The following KCNH1 variants were observed in gnomAD, a reference collection of about 807,000 sequenced individuals.
KCNH1 encodes voltage-gated delayed rectifier potassium channel KCNH1.
In KCNH1, 27 loss-of-function variants were observed where a neutral mutation model predicts 69.2. The ratio of observed to expected loss-of-function variants is 0.39; its 90% confidence interval spans 0.29 to 0.54. The LOEUF is 0.54. Ranked by LOEUF, KCNH1 falls within the 20% of genes least tolerant of loss-of-function variation. The pLI is 0.68. For missense variants in KCNH1, 798 were observed against 1,261.6 expected (o/e 0.63, Z 5.57); for synonymous variants, 456 against 487.7 (o/e 0.93, Z 0.86).
At chr1:210,945,308 T>C (rs1021687479) in intron 6 of KCNH1, among the ~76,000 whole-genome samples, 8 of 152,262 alleles carry the variant, frequency 5.3e-5, no homozygotes, top group Admixed American at 3.3e-4. Flanking sequence ...ATGTATACTA[T>C]GTGCCAGGCA....
intron 10 of KCNH1, among the ~76,000 whole-genome samples, chr1:210,732,555 C>T (rs1682770485): frequency 6.6e-6 from 1 of 152,136 alleles, no homozygotes; most frequent in Non-Finnish European, 1.5e-5. Context: ...TAGGACAGAA[C>T]CTCATTTGAT....
In KCNH1 at chr1:211,134,011, C is replaced by T; in HGVS notation, c.-66G>A. 7.0e-7 allele frequency: 1 copy of T among 1,428,032 alleles called. No homozygotes were observed. The highest frequency in any genetic ancestry group is 9.8e-7 in the Non-Finnish European group (1 of 1,019,420). 88.5% of individuals were successfully genotyped at this position (1,428,032 alleles called of 1,614,324 possible). A position where few individuals can be genotyped will look rare whatever the true frequency, so the allele number is the denominator to read the frequency against. ...CTTCTTACGACAGCAGGAAACTGGC[C>T]TCGGGGCCCGCACGCAGTCCCGGCT... is the stretch of plus-strand genomic sequence containing the variant. On this transcript the variant is annotated 5_prime_UTR_variant, in exon 1 of 11. Transcript: ENST00000271751. The surrounding 1 kb of genome is among the most constrained non-coding windows in gnomAD (Gnocchi z 5.7).
intron 1 of KCNH1, among the ~76,000 whole-genome samples, chr1:211,124,645 A>G (rs1691747079): frequency 6.6e-6 from 1 of 152,056 alleles, no homozygotes; most frequent in Admixed American, 6.6e-5. Context: ...AGAGAGAGAG[A>G]CCACTTTATC....
At position 211,133,683 on chromosome 1, in the gene KCNH1, C is replaced by A. The variant is rs1359982450; in HGVS notation, c.79+184G>T. On this transcript the variant is annotated intron_variant, in intron 1 of 10. Transcript: ENST00000271751. The surrounding 1 kb of genome is among the most constrained non-coding windows in gnomAD (Gnocchi z 5.4). Reference sequence around the variant, plus strand: ...CTCTCCTGTTAGGATGGGGACCCATCAGACCCCGCCCCGCCCTGCCCACCT... The same window carrying A: ...CTCTCCTGTTAGGATGGGGACCCATAAGACCCCGCCCCGCCCTGCCCACCT... Among the ~76,000 whole-genome samples, 1 of 152,168 alleles carries A rather than the reference C, an allele frequency of 6.6e-6. No individual in the cohort carries two copies. Among genetic ancestry groups the A allele is most frequent in the East Asian group, 1.9e-4 (1 of 5,152 alleles).
intron 5 of KCNH1, among the ~76,000 whole-genome samples, chr1:211,056,375 A>G (rs2102445240): frequency 6.6e-6 from 1 of 152,300 alleles, no homozygotes; most frequent in Admixed American, 6.5e-5. Flanking sequence ...CTACAATAGA[A>G]TAAAGCACCA....
chr1:211,097,006 T>C lies in KCNH1; in HGVS notation c.311-6316A>G, dbSNP rs573911183. ...CTATAATGTAGAATAGCTACTATTA[T>C]TCCCATTTCAAATGTGGGGAACCCA... is the stretch of plus-strand genomic sequence containing the variant. On this transcript the variant is annotated intron_variant, in intron 3 of 10. Transcript: ENST00000271751. 3.3e-5 allele frequency among the ~76,000 whole-genome samples: 5 copies of C among 152,378 alleles called. No individual in the cohort carries two copies. In the East Asian group the frequency reaches 9.6e-4, roughly 29 times the overall value.
intron 10 of KCNH1, among the ~76,000 whole-genome samples, chr1:210,746,572 T>TC (rs200835483): frequency 4.4e-4 from 66 of 151,538 alleles, no homozygotes; most frequent in Admixed American, 1.1e-3. Context: ...TTTCTTTCTT[T>TC]TTTTTTTTAA....
chr1:210,684,178 C>T, intron 10 of KCNH1, 40 bp from the exon 11 acceptor site: 2 of 1,481,636 alleles, frequency 1.3e-6, no homozygotes, highest in Non-Finnish European at 8.9e-7. Context: ...GCGTGTTAGC[C>T]ACATGCTGGC....
intron 1 of KCNH1, among the ~76,000 whole-genome samples, chr1:211,131,053 C>T (rs1413204028): frequency 6.6e-6 from 1 of 151,974 alleles, no homozygotes; most frequent in Non-Finnish European, 1.5e-5. Flanking sequence ...GCATGGTGTA[C>T]CATAAAGAAT....
intron 10 of KCNH1, among the ~76,000 whole-genome samples, chr1:210,732,659 C>T (rs1682772854): frequency 6.6e-6 from 1 of 152,180 alleles, no homozygotes. Context: ...ATATATTGCT[C>T]ACACTTCTGG....
At chr1:211,052,635 A>ACAAGGGAGCTT (rs1350253987) in intron 5 of KCNH1, among the ~76,000 whole-genome samples, 1 of 152,232 alleles carries the variant, frequency 6.6e-6, no homozygotes, top group Non-Finnish European at 1.5e-5. Flanking sequence ...AGATTGGCAA[A>ACAAGGGAGCTT]CAAGGGAGCT....
rs111941567 is a variant in KCNH1, at chr1:211,110,115, G to C, written c.80-2738C>G. 9.2e-5 allele frequency among the ~76,000 whole-genome samples: 14 copies of C among 151,730 alleles called. 1 individual carries two copies. Among genetic ancestry groups the C allele is most frequent in the African/African-American group, 3.1e-4 (13 of 41,456 alleles). On this transcript the variant is annotated intron_variant, in intron 1 of 10. Transcript: ENST00000271751. Reference sequence around the variant, plus strand: ...AAAAGAACAACATGAGAAAAGGCCAGAGGACATTCTCTTTAAAATTAAAAC... The same window carrying C: ...AAAAGAACAACATGAGAAAAGGCCACAGGACATTCTCTTTAAAATTAAAAC...
chr1:211,067,657 G>A (rs1183147901), intron 5 of KCNH1, among the ~76,000 whole-genome samples: 1 of 152,148 alleles, frequency 6.6e-6, no homozygotes, highest in African/African-American at 2.4e-5. Flanking sequence ...GATTAACTGG[G>A]TTTCCTTTGC....
At chr1:210,997,686 G>C (rs1689078957) in intron 6 of KCNH1, among the ~76,000 whole-genome samples, 1 of 152,148 alleles carries the variant, frequency 6.6e-6, no homozygotes, top group Non-Finnish European at 1.5e-5. Context: ...TCCTCGAGAA[G>C]AGCAACTCCA....
At chr1:210,719,581 A>G (rs1352521057) in intron 10 of KCNH1, among the ~76,000 whole-genome samples, 1 of 152,080 alleles carries the variant, frequency 6.6e-6, no homozygotes, top group African/African-American at 2.4e-5. Context: ...GCATTAGGAC[A>G]AATACCTAAT....
chr1:210,860,279 G>A, intron 7 of KCNH1: 3 of 1,422,438 alleles, frequency 2.1e-6, no homozygotes, highest in Non-Finnish European at 9.9e-7. Context: ...CACATCTGTG[G>A]AGACACTTGT....
chr1:210,737,465 G>T (rs1682906957), intron 10 of KCNH1, among the ~76,000 whole-genome samples: 2 of 152,104 alleles, frequency 1.3e-5, no homozygotes, highest in South Asian at 4.1e-4. Flanking sequence ...TTCTACTCAG[G>T]ATTCAGACTC....
intron 5 of KCNH1, among the ~76,000 whole-genome samples, chr1:211,047,646 A>C (rs1309806409): frequency 6.6e-6 from 1 of 152,218 alleles, no homozygotes; most frequent in African/African-American, 2.4e-5. Flanking sequence ...GATACTATGA[A>C]GATCAAATCA....
intron 5 of KCNH1, among the ~76,000 whole-genome samples, chr1:211,027,374 G>A (rs1689703477): frequency 6.6e-6 from 1 of 152,162 alleles, no homozygotes; most frequent in Non-Finnish European, 1.5e-5. Flanking sequence ...GGAGGCCAAT[G>A]TAGGAGGATC....
Sources: allele counts gnomAD v4.1 joint callset (sites outside exome capture counted in the v4.1 genomes callset), GRCh38; gene constraint gnomAD v4.1.1; non-coding constraint Gnocchi (gnomAD v3.1); transcripts MANE v1.5; gene names NCBI Gene and HGNC (gene_info 2026-07-23, HGNC 2026-07-21).